Variants in ADARB2 observed in about 807,000 individuals in gnomAD.
ADARB2 encodes the protein inactive double-stranded RNA-specific editase B2.
ADARB2 carries 25 observed loss-of-function variants against 62.2 expected under a neutral mutation model. The observed-to-expected ratio is 0.40, with a 90% CI of 0.29 to 0.56. ADARB2 has a LOEUF of 0.56. Among genes scored for constraint, ADARB2 ranks in the 20% least tolerant of loss-of-function variants. The pLI, the probability that ADARB2 is intolerant of heterozygous loss-of-function variation, is 0.43. For synonymous variants in ADARB2, 572 were observed against 500.8 expected (o/e 1.14, Z -1.90); for missense variants, 1,071 against 1,077.4 (o/e 0.99, Z 0.08).
rs1836701934 is a variant in ADARB2 at position 1,183,119 on chromosome 10, C to T, written c.*74G>A. On this transcript the variant is annotated 3_prime_UTR_variant, in exon 10 of 10. Coordinates refer to ENST00000381312, the MANE Select transcript of ADARB2 (RefSeq NM_018702.4). Reference sequence around the variant, plus strand: ...AACGAATGCAGGGAACCGGCCGACCCGCCACGTCGCCCCCCAGACACGGTC... The same window carrying T: ...AACGAATGCAGGGAACCGGCCGACCTGCCACGTCGCCCCCCAGACACGGTC... 5.9e-6 allele frequency: 9 copies of T among 1,531,754 alleles called. No homozygotes were observed. The highest frequency in any genetic ancestry group is 2.8e-5 in the African/African-American group (2 of 72,618). 94.9% of individuals were successfully genotyped at this position (1,531,754 alleles called of 1,614,324 possible). A position where few individuals can be genotyped will look rare whatever the true frequency, so the allele number is the denominator to read the frequency against.
intron 3 of ADARB2, among the ~76,000 whole-genome samples, chr10:1,273,635 C>T (rs566927625): frequency 9.8e-5 from 15 of 152,320 alleles, no homozygotes; most frequent in African/African-American, 3.6e-4. Context: ...GAGCTCTGAG[C>T]TGGGGTGGAG....
At chr10:1,712,559 AG>A (rs1433132122) in intron 1 of ADARB2, among the ~76,000 whole-genome samples, 3 of 151,842 alleles carry the variant, frequency 2.0e-5, no homozygotes, top group East Asian at 3.9e-4. Context: ...GGATTGGGAA[AG>A]CCCCCCTTAT....
rs543961867 is a variant in ADARB2 at position 1,590,444 on chromosome 10, C to T, written c.100+146607G>A. On this transcript the variant is annotated intron_variant, in intron 1 of 9. Transcript: ENST00000381312. ...ATTTCATTTTTATGAATAATATATC[C>T]ACATGGTTAAATAAAAAGTGGAAAA... 1.1e-4 allele frequency among the ~76,000 whole-genome samples: 16 copies of T among 152,054 alleles called. No individual in the cohort carries two copies. In the East Asian group the frequency reaches 2.7e-3, roughly 26 times the overall value.
chr10:1,714,426 G>T (rs1402855056), intron 1 of ADARB2, among the ~76,000 whole-genome samples: 1 of 152,194 alleles, frequency 6.6e-6, no homozygotes, highest in African/African-American at 2.4e-5. Context: ...TCTGCATGAA[G>T]CCTTTACTTC....
At chr10:1,652,739 G>C (rs529573053) in intron 1 of ADARB2, among the ~76,000 whole-genome samples, 1 of 152,176 alleles carries the variant, frequency 6.6e-6, no homozygotes, top group Non-Finnish European at 1.5e-5. Flanking sequence ...AGCAAGGAAG[G>C]CTCATTACCC....
At chr10:1,682,891 G>A (rs2119118506) in intron 1 of ADARB2, among the ~76,000 whole-genome samples, 1 of 152,300 alleles carries the variant, frequency 6.6e-6, no homozygotes, top group East Asian at 1.9e-4. Flanking sequence ...GCAGATGAGA[G>A]AGTGAGAGGC....
intron 1 of ADARB2, among the ~76,000 whole-genome samples, chr10:1,577,938 C>G (rs1833042137): frequency 6.6e-6 from 1 of 152,164 alleles, no homozygotes; most frequent in Non-Finnish European, 1.5e-5. Context: ...CCTGTGAGGA[C>G]ACAGGGAGAA....
chr10:1,231,663 T>G (rs1266008047), intron 6 of ADARB2, among the ~76,000 whole-genome samples: 1 of 152,196 alleles, frequency 6.6e-6, no homozygotes, highest in Non-Finnish European at 1.5e-5. Flanking sequence ...CATTCCCAGT[T>G]TGACGGGATT....
At position 1,363,009 on chromosome 10, in the gene ADARB2, C is replaced by A; in HGVS notation, c.1077+19G>T. 7.5e-7 allele frequency: 1 copy of A among 1,328,032 alleles called. No individual in the cohort carries two copies. The highest frequency in any genetic ancestry group is 9.6e-7 in the Non-Finnish European group (1 of 1,036,276). 82.3% of individuals were successfully genotyped at this position (1,328,032 alleles called of 1,614,324 possible). A position where few individuals can be genotyped will look rare whatever the true frequency, so the allele number is the denominator to read the frequency against. On this transcript the variant is annotated intron_variant, in intron 3 of 9. Transcript: ENST00000381312. ...CCCCCAGCGCCGCCCGTTCCCCCTG[C>A]ACCCGCCGCGCCCCTCACCTGCGGC...
At chr10:1,514,066 C>A in intron 1 of ADARB2, among the ~76,000 whole-genome samples, 1 of 150,344 alleles carries the variant, frequency 6.7e-6, no homozygotes, top group Non-Finnish European at 1.5e-5. Context: ...CTACTAAAAA[C>A]AAACAAAAAA....
chr10:1,637,754 G>C (rs1305794912), intron 1 of ADARB2, among the ~76,000 whole-genome samples: 1 of 152,138 alleles, frequency 6.6e-6, no homozygotes, highest in East Asian at 1.9e-4. Flanking sequence ...GCAATAATTT[G>C]CCTCGTCACC....
chr10:1,375,268 C>T (rs1464041845), intron 2 of ADARB2, among the ~76,000 whole-genome samples: 1 of 152,196 alleles, frequency 6.6e-6, no homozygotes, highest in East Asian at 1.9e-4. Flanking sequence ...GGCCAGATGG[C>T]AGGGACTCAT....
intron 1 of ADARB2, among the ~76,000 whole-genome samples, chr10:1,456,164 C>T (rs1037121051): frequency 3.9e-5 from 6 of 152,074 alleles, no homozygotes; most frequent in African/African-American, 1.2e-4. Flanking sequence ...CCTAGGGACC[C>T]GGCGAGGGAA....
At chr10:1,386,267 T>A (rs940137567) in intron 1 of ADARB2, among the ~76,000 whole-genome samples, 3 of 151,730 alleles carry the variant, frequency 2.0e-5, no homozygotes, top group Non-Finnish European at 2.9e-5. Context: ...ACAAAAAAAT[T>A]GAATAAACAG....
chr10:1,198,253 C>A (rs1470311345), intron 8 of ADARB2, among the ~76,000 whole-genome samples: 5 of 152,162 alleles, frequency 3.3e-5, no homozygotes, highest in Admixed American at 1.3e-4. Context: ...TTAGCCATAT[C>A]TAAATTGCTG....
intron 1 of ADARB2, among the ~76,000 whole-genome samples, chr10:1,558,945 T>G (rs995724585): frequency 2.6e-5 from 4 of 152,260 alleles, no homozygotes; most frequent in African/African-American, 4.8e-5. Flanking sequence ...AGTGGGCTGG[T>G]TTGTTCACGT....
chr10:1,530,531 G>A lies in ADARB2; in HGVS notation c.101-151371C>T, dbSNP rs535795780. ...GTGGCCTCTGTGGGAGCCACAGGAC[G>A]AGACTCCTTGCGGCCTGCTCTTCAT... On this transcript the variant is annotated intron_variant, in intron 1 of 9. Transcript: ENST00000381312. 3.0e-4 allele frequency among the ~76,000 whole-genome samples: 46 copies of A among 152,344 alleles called. No homozygotes were observed. The South Asian group carries it at 8.9e-3, about 30-fold the overall frequency.
chr10:1,421,972 C>G (rs945275943), intron 1 of ADARB2, among the ~76,000 whole-genome samples: 2 of 152,184 alleles, frequency 1.3e-5, no homozygotes, highest in Non-Finnish European at 2.9e-5. Flanking sequence ...GAAGCAGCCC[C>G]AGGTACCTAC....
chr10:1,310,195 G>T (rs1831675820), intron 3 of ADARB2, among the ~76,000 whole-genome samples: 1 of 152,220 alleles, frequency 6.6e-6, no homozygotes, highest in African/African-American at 2.4e-5. Context: ...GTCACACTGA[G>T]TGAGCAGTCT....
Sources: gnomAD v4.1 joint callset for allele counts (sites outside exome capture counted in the v4.1 genomes callset) on GRCh38, gnomAD v4.1.1 for gene constraint, MANE v1.5 for transcripts, NCBI Gene and HGNC (gene_info 2026-07-23, HGNC 2026-07-21) for gene names.